BAIAP2L1: variants seen among roughly 807,000 people sequenced by gnomAD.
The protein encoded by BAIAP2L1 is BAR/IMD domain-containing adapter protein 2-like 1.
A neutral mutation model predicts 66.3 loss-of-function variants in BAIAP2L1; 35 were observed. The observed-to-expected ratio is 0.53, with a 90% CI of 0.40 to 0.70. The LOEUF is 0.70. BAIAP2L1 is among the 30% of genes least tolerant of loss of function. BAIAP2L1 has a pLI of 0.00. For missense variants in BAIAP2L1, 622 were observed against 656.9 expected, an observed-to-expected ratio of 0.95 and a Z score of 0.58; for synonymous variants, 269 against 248.7, an observed-to-expected ratio of 1.08 and a Z score of -0.77.
In BAIAP2L1 at chr7:98,293,137, A is replaced by T. The variant is rs939109536; in HGVS notation, c.*384T>A. Reference sequence around the variant, plus strand: ...CTATTAAGAGCACATGCTTTATAAAATAAAACTGGTCTCATTCATATCAGG... The same window carrying T: ...CTATTAAGAGCACATGCTTTATAAATTAAAACTGGTCTCATTCATATCAGG... On this transcript the variant is annotated 3_prime_UTR_variant, in exon 14 of 14. Transcript: ENST00000005260. 8.6e-6 allele frequency: 3 copies of T among 350,832 alleles called. No homozygotes were observed. Among genetic ancestry groups the T allele is most frequent in the Non-Finnish European group, 1.3e-5 (3 of 229,898 alleles). 21.7% of individuals were successfully genotyped at this position (350,832 alleles called of 1,614,324 possible).
chr7:98,369,354 G>A (rs1033941221), intron 1 of BAIAP2L1, among the ~76,000 whole-genome samples: 1 of 152,038 alleles, frequency 6.6e-6, no homozygotes, highest in Non-Finnish European at 1.5e-5. Flanking sequence ...ACGGCGGTGG[G>A]TGCCTGTAGT....
intron 12 of BAIAP2L1, among the ~76,000 whole-genome samples, chr7:98,300,843 C>G (rs1160750534): frequency 1.3e-5 from 2 of 152,156 alleles, no homozygotes; most frequent in Non-Finnish European, 2.9e-5. Flanking sequence ...GCTCTTGAGC[C>G]CCCCAAGTCA....
intron 1 of BAIAP2L1, among the ~76,000 whole-genome samples, chr7:98,363,307 T>TCC (rs1802317326): frequency 6.6e-6 from 1 of 152,048 alleles, no homozygotes; most frequent in East Asian, 1.9e-4. Context: ...AATGCTGGGA[T>TCC]TACAGGCACG....
chr7:98,353,519 A>G (rs1020736822), intron 3 of BAIAP2L1, among the ~76,000 whole-genome samples: 1 of 135,360 alleles, frequency 7.4e-6, no homozygotes, highest in African/African-American at 2.8e-5. Flanking sequence ...ATAAATACAC[A>G]TATATTTATA....
intron 3 of BAIAP2L1, among the ~76,000 whole-genome samples, chr7:98,344,839 G>A (rs1331991965): frequency 2.0e-5 from 3 of 152,220 alleles, no homozygotes; most frequent in African/African-American, 7.2e-5. Flanking sequence ...GGGAGGCTGA[G>A]GCAGGAGAAT....
At chr7:98,306,600 G>A (rs182223141) in intron 10 of BAIAP2L1, 84 bp from the exon 11 acceptor site, 678 of 1,596,142 alleles carry the variant, frequency 4.2e-4, no homozygotes, top group Admixed American at 1.5e-3. Context: ...GAGAGCTCAG[G>A]GCAGACAGGT....
intron 1 of BAIAP2L1, among the ~76,000 whole-genome samples, chr7:98,371,216 T>G (rs565899570): frequency 2.6e-5 from 4 of 152,156 alleles, no homozygotes; most frequent in African/African-American, 9.6e-5. Context: ...GAAAAAAAAA[T>G]AGCAATAGCT....
chr7:98,315,607 C>A lies in BAIAP2L1; in HGVS notation c.492G>T (p.Val164=). Residue 164 remains valine (V), a synonymous_variant, in exon 7 of 14, where the codon GTG becomes GTT. Coordinates refer to ENST00000005260, the MANE Select transcript of BAIAP2L1 (RefSeq NM_018842.5). The part of the protein sequence containing the change: ...LKYEHKEIEY[V]ETVTSRQSEI... ...CACTCTGACGAGAAGTAACGGTCTC[C>A]ACATACTAAAAAAAAAAAAATAATA... is the stretch of plus-strand genomic sequence containing the variant. 7.5e-7 allele frequency: 1 copy of A among 1,333,910 alleles called. No homozygotes were observed. Among genetic ancestry groups the A allele is most frequent in the Admixed American group, 2.9e-5 (1 of 33,976 alleles). The allele number at this position is 1,333,910 out of a possible 1,614,324, so 82.6% of individuals were successfully genotyped here. A position where few individuals can be genotyped will look rare whatever the true frequency, so the allele number is the denominator to read the frequency against.
chr7:98,302,746 A>C (rs1210007029), intron 12 of BAIAP2L1, among the ~76,000 whole-genome samples: 2 of 152,214 alleles, frequency 1.3e-5, no homozygotes, highest in Non-Finnish European at 2.9e-5. Flanking sequence ...ATTATAATGT[A>C]TGGAGCTGAT....
intron 1 of BAIAP2L1, among the ~76,000 whole-genome samples, chr7:98,390,275 G>T (rs1455823583): frequency 1.3e-5 from 2 of 151,938 alleles, no homozygotes; most frequent in African/African-American, 2.4e-5. Context: ...GAAATCATAA[G>T]ATTTAAAATT....
At position 98,346,683 on chromosome 7, in the gene BAIAP2L1, C is replaced by T. The variant is rs189210030; in HGVS notation, c.214+8359G>A. On this transcript the variant is annotated intron_variant, in intron 3 of 13. Transcript: ENST00000005260. Reference sequence around the variant, plus strand: ...ACAGCAGAGCATCCCCACAGACAGCCGAGTGTGTAGCTGCGTTGCCTCCTT... The same window carrying T: ...ACAGCAGAGCATCCCCACAGACAGCTGAGTGTGTAGCTGCGTTGCCTCCTT... 5.3e-5 allele frequency among the ~76,000 whole-genome samples: 8 copies of T among 152,268 alleles called. No homozygotes were observed. The East Asian group carries it at 1.2e-3, about 22-fold the overall frequency.
Position 98,352,692 on chromosome 7 carries a change from G to C in BAIAP2L1, c.214+2350C>G, listed in dbSNP as rs141309556. On this transcript the variant is annotated intron_variant, in intron 3 of 13. Coordinates refer to ENST00000005260, the MANE Select transcript of BAIAP2L1 (RefSeq NM_018842.5). ...CATAGATATATACATGCACATGAAA[G>C]AAATTTCACCATCACAAAATACTTT... is the stretch of plus-strand genomic sequence containing the variant. 2.9e-4 allele frequency among the ~76,000 whole-genome samples: 44 copies of C among 152,206 alleles called. 1 individual carries two copies. The East Asian group carries it at 7.1e-3, about 25-fold the overall frequency.
At chr7:98,349,506 G>A (rs1801952944) in intron 3 of BAIAP2L1, among the ~76,000 whole-genome samples, 1 of 152,078 alleles carries the variant, frequency 6.6e-6, no homozygotes. Flanking sequence ...TTTCCAAGGG[G>A]ACTGTGACCG....
At chr7:98,351,007 C>T (rs1801987966) in intron 3 of BAIAP2L1, among the ~76,000 whole-genome samples, 1 of 152,074 alleles carries the variant, frequency 6.6e-6, no homozygotes, top group African/African-American at 2.4e-5. Flanking sequence ...CAGGCATGCG[C>T]CACCATGCCT....
intron 1 of BAIAP2L1, among the ~76,000 whole-genome samples, chr7:98,390,341 G>C (rs1803005538): frequency 6.6e-6 from 1 of 152,076 alleles, no homozygotes; most frequent in Admixed American, 6.6e-5. Flanking sequence ...GCGAATTTTA[G>C]CTTAGTTTTA....
At chr7:98,392,874 C>CCTCCGCCTCCCATT (rs1017213701) in intron 1 of BAIAP2L1, among the ~76,000 whole-genome samples, 6 of 151,200 alleles carry the variant, frequency 4.0e-5, no homozygotes, top group Non-Finnish European at 7.4e-5. Context: ...CTCACTGCAA[C>CCTCCGCCTCCCATT]CTCCGCCTCC....
chr7:98,346,234 A>C (rs2115656264), intron 3 of BAIAP2L1, among the ~76,000 whole-genome samples: 2 of 152,352 alleles, frequency 1.3e-5, no homozygotes, highest in African/African-American at 4.8e-5. Context: ...AAACAATTCA[A>C]TGGAACCAGC....
chr7:98,367,141 CTCAAT>C (rs1466727866), intron 1 of BAIAP2L1, among the ~76,000 whole-genome samples: 1 of 151,048 alleles, frequency 6.6e-6, no homozygotes, highest in Non-Finnish European at 1.5e-5. Context: ...GTCATCTCTT[CTCAAT>C]TCTTTTGTTT....
At position 98,400,949 on chromosome 7, in the gene BAIAP2L1, G is replaced by T. The variant is rs561497969; in HGVS notation, c.-97C>A. The T allele has an allele frequency of 1.7e-6, 2 of 1,152,208 alleles. No individual in the cohort carries two copies. The highest frequency in any genetic ancestry group is 2.3e-6 in the Non-Finnish European group (2 of 884,498). 71.4% of individuals were successfully genotyped at this position (1,152,208 alleles called of 1,614,324 possible). A position where few individuals can be genotyped will look rare whatever the true frequency, so the allele number is the denominator to read the frequency against. ...GGGAGGGCCGGGGCGCGACTAAGGG[G>T]CTCTGGAGGGTCGGCCGCCGCCGCA... On this transcript the variant is annotated 5_prime_UTR_variant, in exon 1 of 14. Transcript: ENST00000005260.
Sources: gnomAD v4.1 joint callset for allele counts (sites outside exome capture counted in the v4.1 genomes callset) on GRCh38, gnomAD v4.1.1 for gene constraint, MANE v1.5 for transcripts, NCBI Gene and HGNC (gene_info 2026-07-23, HGNC 2026-07-21) for gene names.